TLN2: variants seen among roughly 807,000 people sequenced by gnomAD.
TLN2 encodes talin-2.
A neutral mutation model predicts 294.7 loss-of-function variants in TLN2; 118 were observed. The ratio of observed to expected loss-of-function variants is 0.40; its 90% CI spans 0.34 to 0.47. The LOEUF is 0.47. Ranked by LOEUF, TLN2 falls within the 20% of genes least tolerant of loss-of-function variation. TLN2 has a pLI of 0.84. For synonymous variants in TLN2, 1,431 were observed against 1,304.5 expected (o/e 1.10, Z -2.09); for missense variants, 3,083 against 3,282.2 (o/e 0.94, Z 1.48).
At chr15:62,753,630 T>A in intron 35 of TLN2, 143 bp from the exon 36 acceptor site, 1 of 927,838 alleles carries the variant, frequency 1.1e-6, no homozygotes, top group Non-Finnish European at 1.5e-6. Flanking sequence ...CCCTTATTGG[T>A]GAGCGGGATG....
At chr15:62,824,639 T>C (rs1280248273) in intron 54 of TLN2, among the ~76,000 whole-genome samples, 2 of 152,256 alleles carry the variant, frequency 1.3e-5, no homozygotes, top group Admixed American at 6.5e-5. Context: ...TTTCCTGTTA[T>C]AGGTTAACTT....
chr15:62,733,845 G>A (rs2060861405), intron 28 of TLN2: 1 of 152,224 alleles, frequency 6.6e-6, no homozygotes, highest in Non-Finnish European at 1.5e-5. Flanking sequence ...GGTGGTTCTG[G>A]TATTGTGGTG....
chr15:62,691,967 C>A (rs2057956334), intron 12 of TLN2, among the ~76,000 whole-genome samples: 1 of 152,296 alleles, frequency 6.6e-6, no homozygotes, highest in Non-Finnish European at 1.5e-5. Flanking sequence ...AGCACTGTGC[C>A]CAGCCCATTG....
At chr15:62,640,074 G>A (rs1405085155) in intron 3 of TLN2, 12 of 441,056 alleles carry the variant, frequency 2.7e-5, no homozygotes, top group South Asian at 8.0e-5. Context: ...AGACTGTCCT[G>A]CCGAGCGAGG....
intron 5 of TLN2, among the ~76,000 whole-genome samples, chr15:62,651,049 T>C (rs2052531595): frequency 6.6e-6 from 1 of 152,194 alleles, no homozygotes; most frequent in Non-Finnish European, 1.5e-5. Context: ...TAAAATGTAT[T>C]TATAGTAAAA....
intron 3 of TLN2, among the ~76,000 whole-genome samples, chr15:62,625,318 C>A (rs1430475613): frequency 2.0e-5 from 3 of 152,162 alleles, no homozygotes; most frequent in Admixed American, 2.0e-4. Context: ...CCCCTGGAAC[C>A]TTTCAATGCT....
intron 24 of TLN2, among the ~76,000 whole-genome samples, chr15:62,718,327 A>G (rs2059914497): frequency 6.6e-6 from 1 of 152,194 alleles, no homozygotes; most frequent in South Asian, 2.1e-4. Context: ...GCCACTGCCC[A>G]CATGTGGGTG....
chr15:62,688,465 C>T (rs1254245444), intron 12 of TLN2, among the ~76,000 whole-genome samples: 6 of 152,088 alleles, frequency 3.9e-5, no homozygotes, highest in Admixed American at 3.3e-4. Context: ...TCAAAAAGAA[C>T]ATATATTCTG....
At chr15:62,443,639 C>T (rs1476374131) in intron 1 of TLN2, among the ~76,000 whole-genome samples, 1 of 152,166 alleles carries the variant, frequency 6.6e-6, no homozygotes, top group African/African-American at 2.4e-5. Context: ...ATGGACATTC[C>T]TCCCTCATTT....
intron 6 of TLN2, 115 bp downstream of exon 6, chr15:62,652,249 G>C (rs10775179): frequency 0.58 from 660,739 of 1,134,780 alleles, 197,490 homozygotes; most frequent in Middle Eastern, 0.69. Context: ...TTAACACGCC[G>C]AGTTCTGCCT....
At chr15:62,640,200 G>C in intron 3 of TLN2, 1 of 456,078 alleles carries the variant, frequency 2.2e-6, no homozygotes, top group Non-Finnish European at 4.4e-6. Context: ...GTAGAAGACA[G>C]GTAGGGAGTG....
chr15:62,624,731 G>A (rs1270548842), intron 3 of TLN2, among the ~76,000 whole-genome samples: 1 of 152,208 alleles, frequency 6.6e-6, no homozygotes, highest in Admixed American at 6.5e-5. Context: ...GGGGGTGTCT[G>A]CATGTGTGTA....
chr15:62,580,857 T>C (rs1432569147), intron 1 of TLN2, among the ~76,000 whole-genome samples: 1 of 150,552 alleles, frequency 6.6e-6, no homozygotes, highest in South Asian at 2.1e-4. Context: ...CCCCGCCCCC[T>C]GACCCCTGGC....
At position 62,716,500 on chromosome 15, in the gene TLN2, T is replaced by G. The variant is rs372497971; in HGVS notation, c.2763+41T>G. On this transcript the variant is annotated intron_variant, in intron 23 of 58. Transcript: ENST00000636159. ...GCCTTTCTGGGATGCCCATCTTAAA[T>G]TGCAAAGAGTTATTTGAAAAGATAG... is the stretch of plus-strand genomic sequence containing the variant. 46 of 1,559,080 alleles carry G rather than the reference T, an allele frequency of 3.0e-5. No individual in the cohort carries two copies. The African/African-American group carries it at 5.4e-4, about 18-fold the overall frequency.
chr15:62,731,305 G>T (rs2060711940), intron 28 of TLN2, among the ~76,000 whole-genome samples: 1 of 149,690 alleles, frequency 6.7e-6, no homozygotes, highest in Non-Finnish European at 1.5e-5. Flanking sequence ...CCCACCTCTT[G>T]GTTTTTCAGC....
intron 1 of TLN2, among the ~76,000 whole-genome samples, chr15:62,541,004 G>A (rs1435290046): frequency 6.6e-6 from 1 of 152,156 alleles, no homozygotes; most frequent in Non-Finnish European, 1.5e-5. Flanking sequence ...ACCCAGGTCA[G>A]GTGAGAGTCA....
At chr15:62,694,224 G>A (rs1297359417) in intron 13 of TLN2, 92 bp from the exon 14 acceptor site, 20 of 1,131,918 alleles carry the variant, frequency 1.8e-5, no homozygotes, top group Admixed American at 8.9e-5. Context: ...TGATCCGCCC[G>A]TCTCAGCCTC....
intron 2 of TLN2, among the ~76,000 whole-genome samples, chr15:62,597,162 C>A (rs903403713): frequency 9.2e-5 from 14 of 152,138 alleles, no homozygotes; most frequent in African/African-American, 2.9e-4. Flanking sequence ...CCTAGATACA[C>A]TATTTGTTGT....
chr15:62,587,148 G>T (rs967209900), intron 1 of TLN2, among the ~76,000 whole-genome samples: 1 of 152,192 alleles, frequency 6.6e-6, no homozygotes, highest in Non-Finnish European at 1.5e-5. Context: ...TTTGAGGAAG[G>T]TAACTCCCTA....
Sources: allele counts gnomAD v4.1 joint callset (sites outside exome capture counted in the v4.1 genomes callset), GRCh38; gene constraint gnomAD v4.1.1; transcripts MANE v1.5; gene names NCBI Gene and HGNC (gene_info 2026-07-23, HGNC 2026-07-21).